Variants in ZYG11B observed in about 807,000 individuals in gnomAD.
ZYG11B encodes zyg-11 family member B, cell cycle regulator.
Under a neutral mutation model 82.4 loss-of-function variants are expected in ZYG11B, and 36 were observed. The observed-to-expected ratio is 0.44, with a 90% confidence interval of 0.33 to 0.58. The LOEUF (loss-of-function observed/expected upper bound fraction) is 0.58, where lower values mean the gene tolerates loss of function less well. Among genes scored for constraint, ZYG11B ranks in the 20% least tolerant of loss-of-function variants. ZYG11B has a pLI of 0.02. For missense variants in ZYG11B, 552 were observed against 895.6 expected (o/e 0.62, Z 4.90); for synonymous variants, 303 against 312.8 (o/e 0.97, Z 0.33).
At chr1:52,807,818 C>T (rs1195742418) in intron 10 of ZYG11B, among the ~76,000 whole-genome samples, 1 of 152,078 alleles carries the variant, frequency 6.6e-6, no homozygotes, top group Non-Finnish European at 1.5e-5. Context: ...TAAAAGACAT[C>T]CTTTAACATT....
chr1:52,758,623 A>G (rs1644600210), intron 2 of ZYG11B, among the ~76,000 whole-genome samples: 1 of 152,184 alleles, frequency 6.6e-6, no homozygotes, highest in Non-Finnish European at 1.5e-5. Flanking sequence ...GGCTTTATAT[A>G]TATAAAACTA....
At chr1:52,810,632 C>T (rs1645174523) in intron 10 of ZYG11B, among the ~76,000 whole-genome samples, 1 of 152,182 alleles carries the variant, frequency 6.6e-6, no homozygotes, top group Non-Finnish European at 1.5e-5. Context: ...ATCTTGAGAA[C>T]TGTTTTTCCA....
At chr1:52,760,180 C>T (rs561245124) in intron 2 of ZYG11B, among the ~76,000 whole-genome samples, 16 of 152,280 alleles carry the variant, frequency 1.1e-4, no homozygotes, top group East Asian at 5.8e-4. Flanking sequence ...CAGTGATTCA[C>T]GCCTGTAATC....
intron 13 of ZYG11B, among the ~76,000 whole-genome samples, chr1:52,820,686 A>C (rs1301956568): frequency 1.4e-5 from 2 of 138,612 alleles, no homozygotes; most frequent in East Asian, 4.8e-4. Context: ...TGATCACCCC[A>C]GCCTGGGCAA....
intron 2 of ZYG11B, among the ~76,000 whole-genome samples, chr1:52,760,613 A>T (rs920565312): frequency 1.3e-5 from 2 of 151,696 alleles, no homozygotes; most frequent in Non-Finnish European, 2.9e-5. Context: ...GTGTTAAAAA[A>T]TTTTCTTTTT....
chr1:52,776,232 ATATAT>A (rs1644807977), intron 3 of ZYG11B, among the ~76,000 whole-genome samples: 2 of 96,088 alleles, frequency 2.1e-5, no homozygotes, highest in South Asian at 7.3e-4. Flanking sequence ...AAAAAAAAAT[ATATAT>A]ATATATATGC....
chr1:52,774,609 A>ATTTTTT lies in ZYG11B; in HGVS notation c.951+2856_951+2861dup, dbSNP rs35043109. On this transcript the variant is annotated intron_variant, in intron 3 of 13. Transcript: ENST00000294353. ...GGCGTGAGCCACTGTGCCTGGCCTA[A>ATTTTTT]TTTTTTTTTTTTTTTTTTTTTTTTT... Among the ~76,000 whole-genome samples, 174 of 111,122 alleles carry ATTTTTT rather than the reference A, an allele frequency of 1.6e-3. 10 individuals carry two copies. The highest frequency in any genetic ancestry group is 7.4e-3 in the African/African-American group (152 of 20,552). 72.9% of individuals were successfully genotyped at this position (111,122 alleles called of 152,430 possible).
chr1:52,774,567 A>G (rs1375363060), intron 3 of ZYG11B, among the ~76,000 whole-genome samples: 1 of 146,972 alleles, frequency 6.8e-6, no homozygotes, highest in Non-Finnish European at 1.5e-5. Flanking sequence ...TCGGCCTCCT[A>G]AAGTGCTAGG....
At chr1:52,803,679 G>A (rs576718816) in intron 10 of ZYG11B, among the ~76,000 whole-genome samples, 1 of 152,242 alleles carries the variant, frequency 6.6e-6, no homozygotes, top group East Asian at 1.9e-4. Context: ...ACGGCTCACT[G>A]CAGCCTTGAC....
chr1:52,796,986 A>T lies in ZYG11B; in HGVS notation c.1485+202A>T, dbSNP rs755827297. Among the ~76,000 whole-genome samples, 676 of 73,566 alleles carry T rather than the reference A, an allele frequency of 9.2e-3. 10 individuals are homozygous for T. In the Middle Eastern group the frequency reaches 0.11, roughly 12 times the overall value. The allele number at this position is 73,566 out of a possible 152,430, so 48.3% of individuals were successfully genotyped here. ...ATATATAATATATATAAATATATATATTTTTTATATAAATATATTATATAT... is the reference window on the plus strand; with the variant it reads ...ATATATAATATATATAAATATATATTTTTTTTATATAAATATATTATATAT... On this transcript the variant is annotated intron_variant, in intron 8 of 13. Coordinates refer to ENST00000294353, the MANE Select transcript of ZYG11B (RefSeq NM_024646.3).
intron 2 of ZYG11B, among the ~76,000 whole-genome samples, chr1:52,766,059 C>A (rs1433284784): frequency 1.3e-5 from 2 of 150,550 alleles, no homozygotes; most frequent in African/African-American, 4.9e-5. Flanking sequence ...TTTATATCTT[C>A]TCTTGCCTTG....
At chr1:52,772,446 C>G in intron 3 of ZYG11B, 1 of 1,569,786 alleles carries the variant, frequency 6.4e-7, no homozygotes, top group Non-Finnish European at 8.8e-7. Flanking sequence ...AATTTTATTG[C>G]CTGTCACAAA....
At chr1:52,785,153 T>G in intron 5 of ZYG11B, 100 bp downstream of exon 5, 2 of 1,287,656 alleles carry the variant, frequency 1.6e-6, no homozygotes, top group Non-Finnish European at 1.1e-6. Context: ...TTCAAATGCC[T>G]TTGGAGGCTG....
chr1:52,774,814 C>A (rs1644790520), intron 3 of ZYG11B, among the ~76,000 whole-genome samples: 2 of 151,932 alleles, frequency 1.3e-5, no homozygotes, highest in African/African-American at 4.8e-5. Context: ...ACTCAGTTTT[C>A]TCTTCTGTTA....
intron 12 of ZYG11B, 138 bp from the exon 13 acceptor site, chr1:52,816,394 T>G: frequency 3.2e-6 from 2 of 622,824 alleles, no homozygotes; most frequent in African/African-American, 1.9e-5. Context: ...GACAAAGAAA[T>G]GATATTCTAT....
chr1:52,757,207 C>G (rs1644585986), intron 2 of ZYG11B, among the ~76,000 whole-genome samples: 1 of 151,856 alleles, frequency 6.6e-6, no homozygotes, highest in Admixed American at 6.6e-5. Flanking sequence ...GAGATAAGGT[C>G]TCACTCTGTT....
At position 52,780,013 on chromosome 1, in the gene ZYG11B, T is replaced by C; in HGVS notation, c.1092+20T>C. On this transcript the variant is annotated intron_variant, in intron 4 of 13. Transcript: ENST00000294353. ...TTAAAGGTAAGAATAAGAAACTGGA[T>C]ATGAAATTTTTGAAATGATCTCCCT... is the stretch of plus-strand genomic sequence containing the variant. 1 of 1,601,708 alleles carries C rather than the reference T, an allele frequency of 6.2e-7. No homozygotes were observed. Among genetic ancestry groups the C allele is most frequent in the Non-Finnish European group, 8.5e-7 (1 of 1,175,764 alleles).
chr1:52,824,657 ATAAT>A lies in ZYG11B; in HGVS notation c.*3030_*3033del, dbSNP rs1645310436. On this transcript the variant is annotated 3_prime_UTR_variant, in exon 14 of 14. Transcript: ENST00000294353. Reference sequence around the variant, plus strand: ...CCGTCTCAAAAAAAAAAAAAGCATAATAATTTATTACATCCCAAATATATAAAAA... The same window carrying A: ...CCGTCTCAAAAAAAAAAAAAGCATAATTATTACATCCCAAATATATAAAAA... 1 of 152,036 alleles carries A rather than the reference ATAAT, an allele frequency of 6.6e-6. No homozygotes were observed. The allele number at this position is 152,036 out of a possible 1,614,324, so 9.4% of individuals were successfully genotyped here.
In ZYG11B at chr1:52,771,789, A is replaced by G. The variant is rs1374567157; in HGVS notation, c.951+15A>G. ...GACATTTGAAGGTTAGACTTTAAAA[A>G]TGTATTATTTTGTCAGGCTGACCAA... is the stretch of plus-strand genomic sequence containing the variant. On this transcript the variant is annotated intron_variant, in intron 3 of 13. Transcript: ENST00000294353. The surrounding 1 kb of genome is among the most constrained non-coding windows in gnomAD (Gnocchi z 5.4). 3.1e-6 allele frequency: 5 copies of G among 1,592,926 alleles called. No homozygotes were observed. The highest frequency in any genetic ancestry group is 4.3e-6 in the Non-Finnish European group (5 of 1,169,662).
Sources: allele counts gnomAD v4.1 joint callset (sites outside exome capture counted in the v4.1 genomes callset), GRCh38; gene constraint gnomAD v4.1.1; non-coding constraint Gnocchi (gnomAD v3.1); transcripts MANE v1.5; gene names NCBI Gene and HGNC (gene_info 2026-07-23, HGNC 2026-07-21).